Variants in DPYD observed in about 807,000 individuals in gnomAD.
DPYD encodes the protein dihydropyrimidine dehydrogenase [NADP(+)].
DPYD carries 109 observed loss-of-function variants against 116.2 expected under a neutral mutation model. The ratio of observed to expected loss-of-function variants is 0.94; its 90% CI spans 0.80 to 1.10. The LOEUF is 1.10. DPYD is among the 50% of genes least tolerant of loss of function. The pLI, the probability that DPYD is intolerant of heterozygous loss-of-function variation, is 0.00. For missense variants in DPYD, 1,302 were observed against 1,254.5 expected (o/e 1.04, Z -0.57); for synonymous variants, 440 against 432.0 (o/e 1.02, Z -0.23).
chr1:97,492,327 G>A (rs1331101585), intron 13 of DPYD, among the ~76,000 whole-genome samples: 3 of 152,116 alleles, frequency 2.0e-5, no homozygotes, highest in Admixed American at 2.0e-4. Context: ...ACAGCAGTCA[G>A]TAATCCTGGT....
intron 17 of DPYD, 42 bp from the exon 18 acceptor site, chr1:97,305,420 A>G (rs373186866): frequency 5.5e-5 from 89 of 1,611,038 alleles, no homozygotes; most frequent in Admixed American, 1.5e-4. Flanking sequence ...CTCTTATAAG[A>G]CACGATAGTT....
chr1:97,509,082 T>C (rs531462953), intron 13 of DPYD, among the ~76,000 whole-genome samples: 1 of 151,892 alleles, frequency 6.6e-6, no homozygotes, highest in Non-Finnish European at 1.5e-5. Flanking sequence ...TGTCAACTGA[T>C]TGCAAATCCA....
In DPYD at chr1:97,883,114, T is replaced by G. The variant is rs1223739142; in HGVS notation, c.150+150A>C. 18 of 582,318 alleles carry G rather than the reference T, an allele frequency of 3.1e-5. No individual in the cohort carries two copies. In the Admixed American group the frequency reaches 5.6e-4, roughly 18 times the overall value. The allele number at this position is 582,318 out of a possible 1,614,324, so 36.1% of individuals were successfully genotyped here. A position where few individuals can be genotyped will look rare whatever the true frequency, so the allele number is the denominator to read the frequency against. On this transcript the variant is annotated intron_variant, in intron 2 of 22. Transcript: ENST00000370192. ...AAGCAGTGTAATTAAAAATACACTT[T>G]CAAACTTTTTCAAATATTAAATATT...
chr1:97,602,788 A>C (rs1410786113), intron 8 of DPYD, among the ~76,000 whole-genome samples: 1 of 151,814 alleles, frequency 6.6e-6, no homozygotes, highest in Non-Finnish European at 1.5e-5. Flanking sequence ...CCTTTGGACA[A>C]AAAAAAGAAG....
chr1:97,105,608 A>G (rs1557865735), intron 20 of DPYD, among the ~76,000 whole-genome samples: 1 of 152,164 alleles, frequency 6.6e-6, no homozygotes, highest in Non-Finnish European at 1.5e-5. Context: ...TGGAATTTAT[A>G]GCCAGAAGCA....
chr1:97,361,622 C>A (rs1398374598), intron 16 of DPYD, among the ~76,000 whole-genome samples: 2 of 152,204 alleles, frequency 1.3e-5, no homozygotes, highest in Non-Finnish European at 2.9e-5. Context: ...AAGTCAACTT[C>A]ATCCCTGGCA....
chr1:97,404,514 A>G (rs1393807872), intron 14 of DPYD, among the ~76,000 whole-genome samples: 1 of 152,030 alleles, frequency 6.6e-6, no homozygotes, highest in Non-Finnish European at 1.5e-5. Context: ...TTCCTGGATA[A>G]TTGATCATTT....
intron 20 of DPYD, among the ~76,000 whole-genome samples, chr1:97,165,372 C>T (rs1489726206): frequency 1.3e-5 from 2 of 152,070 alleles, no homozygotes; most frequent in African/African-American, 2.4e-5. Context: ...AAATGGCTAG[C>T]CATATGCAGA....
intron 20 of DPYD, among the ~76,000 whole-genome samples, chr1:97,147,059 G>C (rs935026870): frequency 6.6e-6 from 1 of 152,130 alleles, no homozygotes; most frequent in African/African-American, 2.4e-5. Flanking sequence ...AAGTAAGACT[G>C]ACAAAATAGG....
chr1:97,920,803 C>G, intron 1 of DPYD, 81 bp downstream of exon 1: 1 of 1,529,234 alleles, frequency 6.5e-7, no homozygotes, highest in Admixed American at 2.0e-5. Context: ...GTGCGGGGGC[C>G]GCGGGGGCCT....
At chr1:97,109,944 G>A (rs578119910) in intron 20 of DPYD, among the ~76,000 whole-genome samples, 1 of 152,176 alleles carries the variant, frequency 6.6e-6, no homozygotes, top group African/African-American at 2.4e-5. Flanking sequence ...TTGGCAGAGT[G>A]CTCCACAAAT....
intron 20 of DPYD, among the ~76,000 whole-genome samples, chr1:97,182,721 T>C (rs932880299): frequency 1.3e-5 from 2 of 152,082 alleles, no homozygotes; most frequent in Non-Finnish European, 2.9e-5. Context: ...TCTCCTCTTT[T>C]CTGGGTTAGC....
chr1:97,709,920 C>T (rs1246088928), intron 5 of DPYD, among the ~76,000 whole-genome samples: 1 of 151,466 alleles, frequency 6.6e-6, no homozygotes, highest in African/African-American at 2.4e-5. Context: ...CAAATATATA[C>T]CATAGGGAAG....
chr1:97,244,740 A>C (rs1360652367), intron 18 of DPYD, among the ~76,000 whole-genome samples: 1 of 152,022 alleles, frequency 6.6e-6, no homozygotes, highest in Non-Finnish European at 1.5e-5. Flanking sequence ...ACAAGTAGTA[A>C]ATTTTTCTTA....
At chr1:97,906,815 T>C (rs1419227257) in intron 1 of DPYD, among the ~76,000 whole-genome samples, 2 of 152,114 alleles carry the variant, frequency 1.3e-5, no homozygotes, top group Non-Finnish European at 2.9e-5. Context: ...AGAAGATTCA[T>C]TCTTACCATA....
At chr1:97,452,930 C>T (rs780648569) in intron 13 of DPYD, among the ~76,000 whole-genome samples, 8 of 152,040 alleles carry the variant, frequency 5.3e-5, no homozygotes, top group Non-Finnish European at 8.8e-5. Context: ...ATAGCAAAAA[C>T]GGGCCTTTAT....
intron 12 of DPYD, 108 bp downstream of exon 12, chr1:97,549,452 A>G (rs1651148721): frequency 8.4e-7 from 1 of 1,194,916 alleles, no homozygotes; most frequent in East Asian, 2.5e-5. Context: ...TATTGTATAT[A>G]TGCTTATTAT....
At chr1:97,187,060 T>C (rs1056801882) in intron 20 of DPYD, among the ~76,000 whole-genome samples, 1 of 152,190 alleles carries the variant, frequency 6.6e-6, no homozygotes, top group Non-Finnish European at 1.5e-5. Context: ...ATTTTTTTGA[T>C]GTAATGATGT....
intron 16 of DPYD, among the ~76,000 whole-genome samples, chr1:97,365,525 T>G (rs1419513832): frequency 1.3e-5 from 2 of 152,210 alleles, no homozygotes; most frequent in African/African-American, 4.8e-5. Flanking sequence ...AAACTCACTG[T>G]GATGTGAACA....
Sources: gnomAD v4.1 joint callset for allele counts (sites outside exome capture counted in the v4.1 genomes callset) on GRCh38, gnomAD v4.1.1 for gene constraint, MANE v1.5 for transcripts, NCBI Gene and HGNC (gene_info 2026-07-23, HGNC 2026-07-21) for gene names.